The following SMAP1 variants were observed in gnomAD, a reference collection of about 807,000 sequenced individuals.
SMAP1 encodes the protein small ArfGAP 1.
Under a neutral mutation model 58.5 loss-of-function variants are expected in SMAP1, and 24 were observed. The ratio of observed to expected loss-of-function variants is 0.41; its 90% CI spans 0.30 to 0.58. The LOEUF (loss-of-function observed/expected upper bound fraction) is 0.58. Ranked by LOEUF, SMAP1 falls within the 20% of genes least tolerant of loss-of-function variation. The pLI is 0.29. For synonymous variants in SMAP1, 216 were observed against 196.6 expected, an observed-to-expected ratio of 1.10 and a Z score of -0.82; for missense variants, 563 against 566.3, an observed-to-expected ratio of 0.99 and a Z score of 0.06.
At chr6:70,798,588 A>T (rs976487990) in intron 5 of SMAP1, 69 bp from the exon 6 acceptor site, 3 of 1,213,684 alleles carry the variant, frequency 2.5e-6, no homozygotes, top group African/African-American at 3.1e-5. Context: ...ACTCAAACTA[A>T]TAAGGATGAG....
At chr6:70,845,944 G>A (rs1049890692) in intron 7 of SMAP1, among the ~76,000 whole-genome samples, 6 of 152,186 alleles carry the variant, frequency 3.9e-5, no homozygotes, top group Non-Finnish European at 8.8e-5. Context: ...TTAAGAAGCA[G>A]TTGTAATCTC....
At position 70,708,872 on chromosome 6, in the gene SMAP1, CAGAG is replaced by C. The variant is rs376582618; in HGVS notation, c.119-23502_119-23499del. Among the ~76,000 whole-genome samples, 21 of 152,234 alleles carry C rather than the reference CAGAG, an allele frequency of 1.4e-4. No individual in the cohort carries two copies. The East Asian group carries it at 2.9e-3, about 21-fold the overall frequency. ...AAAAATTTAGATATTAATTTCTTAACAGAGAGATGGTTTGCAAATATTTTGCCCC... is the reference window on the plus strand; with the variant it reads ...AAAAATTTAGATATTAATTTCTTAACAGATGGTTTGCAAATATTTTGCCCC... On this transcript the variant is annotated intron_variant, in intron 1 of 10. Coordinates refer to ENST00000370455, the MANE Select transcript of SMAP1 (RefSeq NM_001044305.3).
intron 1 of SMAP1, among the ~76,000 whole-genome samples, chr6:70,675,070 A>T (rs377661241): frequency 6.6e-6 from 1 of 151,906 alleles, no homozygotes; most frequent in East Asian, 1.9e-4. Context: ...TTAACTTCTA[A>T]TCTATGTTTA....
intron 3 of SMAP1, among the ~76,000 whole-genome samples, chr6:70,770,788 A>G (rs962805999): frequency 5.9e-5 from 9 of 152,230 alleles, no homozygotes; most frequent in African/African-American, 2.4e-5. Flanking sequence ...TCCGTTGCTG[A>G]TGAGGAGCTG....
intron 4 of SMAP1, among the ~76,000 whole-genome samples, chr6:70,781,364 A>C (rs1212138467): frequency 3.3e-5 from 5 of 152,300 alleles, no homozygotes; most frequent in Admixed American, 3.3e-4. Flanking sequence ...TGTATGGGTT[A>C]TATACTAATT....
At chr6:70,857,487 A>G (rs1008981964) in intron 9 of SMAP1, 1 of 171,020 alleles carries the variant, frequency 5.8e-6, no homozygotes, top group Non-Finnish European at 1.3e-5. Flanking sequence ...CATTTCCTTT[A>G]AAATAATGAG....
chr6:70,671,417 A>G (rs1375782494), intron 1 of SMAP1, among the ~76,000 whole-genome samples: 1 of 152,156 alleles, frequency 6.6e-6, no homozygotes, highest in Non-Finnish European at 1.5e-5. Context: ...TAAAAATACA[A>G]AAACCATTAG....
At chr6:70,837,274 G>C (rs751172322) in intron 7 of SMAP1, among the ~76,000 whole-genome samples, 2 of 152,162 alleles carry the variant, frequency 1.3e-5, no homozygotes, top group Non-Finnish European at 2.9e-5. Context: ...AGATATCAAA[G>C]TAATCTTCAA....
intron 2 of SMAP1, among the ~76,000 whole-genome samples, chr6:70,733,680 T>A (rs921038468): frequency 3.9e-5 from 6 of 152,180 alleles, no homozygotes; most frequent in African/African-American, 1.4e-4. Flanking sequence ...CCAGCTGATG[T>A]TGTAACTCTT....
At chr6:70,794,544 A>ACACACC (rs1768512716) in intron 5 of SMAP1, among the ~76,000 whole-genome samples, 2 of 152,092 alleles carry the variant, frequency 1.3e-5, no homozygotes, top group Non-Finnish European at 2.9e-5. Context: ...CATTTACATT[A>ACACACC]GGTATATCTC....
At chr6:70,837,713 T>A in intron 7 of SMAP1, 1 of 925,766 alleles carries the variant, frequency 1.1e-6, no homozygotes, top group Non-Finnish European at 1.3e-6. Context: ...ATTGGCTTGA[T>A]GAAAGGTTAC....
At chr6:70,779,744 T>C (rs1420681687) in intron 4 of SMAP1, among the ~76,000 whole-genome samples, 1 of 152,174 alleles carries the variant, frequency 6.6e-6, no homozygotes, top group Admixed American at 6.5e-5. Context: ...GAATAGAGCA[T>C]GTTGAATAGA....
intron 1 of SMAP1, among the ~76,000 whole-genome samples, chr6:70,686,693 C>A (rs1039779865): frequency 6.6e-6 from 1 of 152,126 alleles, no homozygotes. Flanking sequence ...TATTTGAATA[C>A]AGTATATACG....
chr6:70,768,641 T>TA (rs1181022847), intron 3 of SMAP1, among the ~76,000 whole-genome samples: 3 of 152,354 alleles, frequency 2.0e-5, no homozygotes, highest in Admixed American at 2.0e-4. Context: ...TCTTCTCTCT[T>TA]TTCTTGTTTA....
intron 1 of SMAP1, 59 bp from the exon 2 acceptor site, chr6:70,732,319 T>C: frequency 6.5e-7 from 1 of 1,548,824 alleles, no homozygotes; most frequent in Non-Finnish European, 8.8e-7. Context: ...TAATATGCTG[T>C]TATGTTTATT....
chr6:70,693,138 T>C (rs1284612720), intron 1 of SMAP1, among the ~76,000 whole-genome samples: 1 of 152,068 alleles, frequency 6.6e-6, no homozygotes, highest in African/African-American at 2.4e-5. Flanking sequence ...AGCTATGTAC[T>C]ATAATTTGTT....
At chr6:70,844,116 C>T (rs912530407) in intron 7 of SMAP1, among the ~76,000 whole-genome samples, 10 of 152,082 alleles carry the variant, frequency 6.6e-5, no homozygotes, top group Non-Finnish European at 1.3e-4. Context: ...ATTGGGTGGC[C>T]TCAGGAATCT....
At chr6:70,689,063 G>A (rs1435970349) in intron 1 of SMAP1, among the ~76,000 whole-genome samples, 1 of 151,894 alleles carries the variant, frequency 6.6e-6, no homozygotes, top group Non-Finnish European at 1.5e-5. Context: ...GCAGTGGTGC[G>A]ATCTGGGCTC....
In SMAP1 at chr6:70,769,395, T is replaced by A. The variant is rs573292012; in HGVS notation, c.339-3955T>A. 5.9e-5 allele frequency among the ~76,000 whole-genome samples: 9 copies of A among 152,298 alleles called. No individual in the cohort carries two copies. In the East Asian group the frequency reaches 9.7e-4, roughly 16 times the overall value. ...TATTGTGTGGGAGTCTTAAGTCTTTTTGTAGGTCACTCAGGACTTGCTTTA... is the reference window on the plus strand; with the variant it reads ...TATTGTGTGGGAGTCTTAAGTCTTTATGTAGGTCACTCAGGACTTGCTTTA... On this transcript the variant is annotated intron_variant, in intron 3 of 10. Coordinates refer to ENST00000370455, the MANE Select transcript of SMAP1 (RefSeq NM_001044305.3).
Sources: allele counts gnomAD v4.1 joint callset (sites outside exome capture counted in the v4.1 genomes callset), GRCh38; gene constraint gnomAD v4.1.1; transcripts MANE v1.5; gene names NCBI Gene and HGNC (gene_info 2026-07-23, HGNC 2026-07-21).